The following CADPS variants were observed in gnomAD, a reference collection of about 807,000 sequenced individuals.
The protein encoded by CADPS is calcium dependent secretion activator.
In CADPS, 57 loss-of-function variants were observed where a neutral mutation model predicts 167.3. The observed-to-expected ratio is 0.34, with a 90% CI of 0.28 to 0.42. The LOEUF (loss-of-function observed/expected upper bound fraction) is 0.42. CADPS is among the 20% of genes least tolerant of loss of function. CADPS has a pLI of 1.00. For missense variants in CADPS, 1,414 were observed against 1,738.1 expected, an observed-to-expected ratio of 0.81 and a Z score of 3.32; for synonymous variants, 676 against 635.3, an observed-to-expected ratio of 1.06 and a Z score of -0.96.
At chr3:62,646,545 C>A (rs1335678997) in intron 5 of CADPS, among the ~76,000 whole-genome samples, 2 of 152,136 alleles carry the variant, frequency 1.3e-5, no homozygotes, top group African/African-American at 4.8e-5. Flanking sequence ...CATAAATTCA[C>A]TTTTTGCTTC....
intron 3 of CADPS, among the ~76,000 whole-genome samples, chr3:62,668,504 C>G (rs1247997395): frequency 6.6e-6 from 1 of 152,160 alleles, no homozygotes; most frequent in Non-Finnish European, 1.5e-5. Context: ...CTTATCTCTC[C>G]CTTGACTGGT....
At chr3:62,725,228 G>A (rs1055027174) in intron 3 of CADPS, among the ~76,000 whole-genome samples, 1 of 152,210 alleles carries the variant, frequency 6.6e-6, no homozygotes, top group African/African-American at 2.4e-5. Flanking sequence ...GTCCAAGATG[G>A]TAGTTAACAG....
chr3:62,857,212 A>T (rs1219314413), intron 1 of CADPS, among the ~76,000 whole-genome samples: 1 of 152,154 alleles, frequency 6.6e-6, no homozygotes, highest in African/African-American at 2.4e-5. Context: ...ATATGTAAAA[A>T]AGAAATGCAA....
At chr3:62,854,143 G>T (rs1243423529) in intron 1 of CADPS, among the ~76,000 whole-genome samples, 2 of 152,064 alleles carry the variant, frequency 1.3e-5, no homozygotes, top group Non-Finnish European at 2.9e-5. Flanking sequence ...ACCTCAGAAG[G>T]TTTTTAAAGT....
intron 6 of CADPS, among the ~76,000 whole-genome samples, chr3:62,627,800 T>C (rs1248199126): frequency 2.0e-5 from 3 of 152,122 alleles, no homozygotes; most frequent in African/African-American, 7.2e-5. Context: ...TCATCTGGAT[T>C]GTGTCATTAC....
chr3:62,743,449 T>A (rs1298126597), intron 3 of CADPS, among the ~76,000 whole-genome samples: 1 of 152,192 alleles, frequency 6.6e-6, no homozygotes, highest in African/African-American at 2.4e-5. Context: ...TCCTAGTTTA[T>A]TTATTAACTG....
intron 1 of CADPS, among the ~76,000 whole-genome samples, chr3:62,822,492 T>C (rs938468153): frequency 1.3e-5 from 2 of 152,176 alleles, no homozygotes; most frequent in African/African-American, 4.8e-5. Context: ...ACGGATGGAT[T>C]TCTCCTAAAT....
At chr3:62,545,994 C>T (rs939954117) in intron 11 of CADPS, among the ~76,000 whole-genome samples, 1 of 152,102 alleles carries the variant, frequency 6.6e-6, no homozygotes, top group African/African-American at 2.4e-5. Context: ...AAATTATTCA[C>T]TAGCAAGAAA....
At chr3:62,508,539 TC>T (rs1264289776) in intron 17 of CADPS, among the ~76,000 whole-genome samples, 1 of 152,184 alleles carries the variant, frequency 6.6e-6, no homozygotes, top group Non-Finnish European at 1.5e-5. Flanking sequence ...ATGCATAAGT[TC>T]TTATTTCATT....
intron 1 of CADPS, among the ~76,000 whole-genome samples, chr3:62,841,139 A>G (rs2076590717): frequency 6.6e-6 from 1 of 152,172 alleles, no homozygotes; most frequent in Admixed American, 6.5e-5. Flanking sequence ...TCATTGGCAA[A>G]TATGTCCTCT....
chr3:62,874,140 G>T lies in CADPS; in HGVS notation c.441+449C>A, dbSNP rs981875577. On this transcript the variant is annotated intron_variant, in intron 1 of 29. Coordinates refer to ENST00000383710, the MANE Select transcript of CADPS (RefSeq NM_003716.4). This position sits in a 1 kb window ranked among gnomAD's most constrained non-coding sequence, Gnocchi z 7.1. The stretch of plus-strand genomic sequence containing the variant: ...CTCCACCTCGGCGCCCCCACCTGCC[G>T]TTGCCCCCGCCCGCCGAACGCACGC... Among the ~76,000 whole-genome samples the T allele has an allele frequency of 5.3e-5, 8 of 152,146 alleles. No individual in the cohort carries two copies. Among genetic ancestry groups the T allele is most frequent in the African/African-American group, 1.9e-4 (8 of 41,454 alleles).
chr3:62,549,351 A>G (rs1473604100), intron 11 of CADPS, among the ~76,000 whole-genome samples: 1 of 151,986 alleles, frequency 6.6e-6, no homozygotes, highest in Non-Finnish European at 1.5e-5. Flanking sequence ...GAGGAGAAAA[A>G]ACTCGAATAT....
At chr3:62,653,093 A>T (rs539641279) in intron 4 of CADPS, among the ~76,000 whole-genome samples, 37 of 152,210 alleles carry the variant, frequency 2.4e-4, no homozygotes, top group African/African-American at 8.4e-4. Context: ...TCAAAATTTC[A>T]CTTCCCTGGG....
chr3:62,441,346 T>C (rs897203465), intron 27 of CADPS, among the ~76,000 whole-genome samples: 1 of 152,212 alleles, frequency 6.6e-6, no homozygotes, highest in African/African-American at 2.4e-5. Flanking sequence ...ACCCTGTGGC[T>C]CAGAAAAAGA....
At chr3:62,596,952 G>A (rs1009718756) in intron 6 of CADPS, among the ~76,000 whole-genome samples, 3 of 152,136 alleles carry the variant, frequency 2.0e-5, no homozygotes, top group Non-Finnish European at 4.4e-5. Flanking sequence ...TCATTTTAAA[G>A]CTGTTGCTGT....
At chr3:62,848,222 T>G (rs1471687849) in intron 1 of CADPS, among the ~76,000 whole-genome samples, 2 of 139,668 alleles carry the variant, frequency 1.4e-5, no homozygotes, top group Non-Finnish European at 3.0e-5. Context: ...TCTCCCATGT[T>G]GTAGGTTGCC....
chr3:62,575,334 C>A (rs1256129305), intron 8 of CADPS, among the ~76,000 whole-genome samples: 1 of 152,158 alleles, frequency 6.6e-6, no homozygotes, highest in Non-Finnish European at 1.5e-5. Flanking sequence ...TTATTACACT[C>A]ATCTGGAAGA....
chr3:62,806,511 C>T (rs964086883), intron 1 of CADPS, among the ~76,000 whole-genome samples: 4 of 152,068 alleles, frequency 2.6e-5, no homozygotes, highest in African/African-American at 9.7e-5. Context: ...GTCTGGACAA[C>T]AGAGCAAAAC....
At chr3:62,444,666 A>G (rs1398274651) in intron 27 of CADPS, among the ~76,000 whole-genome samples, 1 of 152,206 alleles carries the variant, frequency 6.6e-6, no homozygotes, top group Non-Finnish European at 1.5e-5. Context: ...ATAATTATTG[A>G]TTGTACATTC....
Sources: allele counts gnomAD v4.1 joint callset (sites outside exome capture counted in the v4.1 genomes callset), GRCh38; gene constraint gnomAD v4.1.1; non-coding constraint Gnocchi (gnomAD v3.1); transcripts MANE v1.5; gene names NCBI Gene and HGNC (gene_info 2026-07-23, HGNC 2026-07-21).